Variants in LMNTD1 observed in about 807,000 individuals in gnomAD.
LMNTD1 encodes lamin tail domain containing 1.
In LMNTD1, 35 loss-of-function variants were observed where a neutral mutation model predicts 50.9. That is an observed-to-expected ratio of 0.69 (90% CI 0.53 to 0.91). The LOEUF is 0.91. Ranked by LOEUF, LMNTD1 falls within the 40% of genes least tolerant of loss-of-function variation. The probability of loss-of-function intolerance (pLI) is 0.00; values close to 1 mark genes in which losing one functional copy is unlikely to be tolerated. For synonymous variants in LMNTD1, 153 were observed against 161.9 expected (o/e 0.94, Z 0.42); for missense variants, 470 against 475.5 (o/e 0.99, Z 0.11).
intron 1 of LMNTD1, among the ~76,000 whole-genome samples, chr12:25,645,787 C>T (rs11838244): frequency 0.02 from 3,098 of 152,262 alleles, 114 homozygotes; most frequent in African/African-American, 0.07. Context: ...ATGGCTACCT[C>T]CTTCACAGGG....
chr12:25,527,989 C>G (rs1941937300), intron 4 of LMNTD1, among the ~76,000 whole-genome samples: 2 of 151,714 alleles, frequency 1.3e-5, no homozygotes, highest in South Asian at 4.2e-4. Context: ...ATTTTTGATA[C>G]TTTTGTAATC....
At chr12:25,546,658 T>A (rs1240054821) in intron 3 of LMNTD1, 104 bp from the exon 4 acceptor site, 1 of 614,468 alleles carries the variant, frequency 1.6e-6, no homozygotes, top group Admixed American at 4.2e-5. Flanking sequence ...TACAAAATTA[T>A]ATTTTTACAT....
chr12:25,607,379 T>C (rs1265637110), intron 1 of LMNTD1, among the ~76,000 whole-genome samples: 1 of 152,222 alleles, frequency 6.6e-6, no homozygotes, highest in Admixed American at 6.5e-5. Context: ...CTGCTAGCTT[T>C]TGAATTTGTT....
chr12:25,594,193 A>G (rs1294500161), intron 1 of LMNTD1, among the ~76,000 whole-genome samples: 1 of 152,188 alleles, frequency 6.6e-6, no homozygotes, highest in Non-Finnish European at 1.5e-5. Context: ...TAGACATCCA[A>G]ATACAAGAAG....
At chr12:25,478,346 A>G (rs2087487) in intron 9 of LMNTD1, among the ~76,000 whole-genome samples, 99,323 of 151,988 alleles carry the variant, frequency 0.65, 32,898 homozygotes, top group East Asian at 0.95. Flanking sequence ...GAAATGCACC[A>G]ATCCCCAACC....
intron 1 of LMNTD1, among the ~76,000 whole-genome samples, chr12:25,614,919 GT>G: frequency 6.6e-6 from 1 of 152,260 alleles, no homozygotes; most frequent in South Asian, 2.1e-4. Context: ...TCTTCCCTCT[GT>G]TGATGTCTGG....
intron 1 of LMNTD1, among the ~76,000 whole-genome samples, chr12:25,609,061 T>C (rs1946184588): frequency 6.6e-6 from 1 of 152,216 alleles, no homozygotes; most frequent in Non-Finnish European, 1.5e-5. Flanking sequence ...CTCATTTCAT[T>C]TTATTCATTT....
At chr12:25,627,387 C>G (rs910612597) in intron 1 of LMNTD1, among the ~76,000 whole-genome samples, 5 of 152,102 alleles carry the variant, frequency 3.3e-5, no homozygotes, top group African/African-American at 9.7e-5. Context: ...TTCATGATGA[C>G]TTTTTTCCCC....
intron 1 of LMNTD1, among the ~76,000 whole-genome samples, chr12:25,575,513 A>T (rs989849780): frequency 2.0e-5 from 3 of 152,158 alleles, no homozygotes; most frequent in Admixed American, 6.6e-5. Flanking sequence ...AATTGTGAAA[A>T]ATGTCATCTT....
chr12:25,511,695 T>C (rs1267790101), intron 8 of LMNTD1, among the ~76,000 whole-genome samples: 2 of 152,288 alleles, frequency 1.3e-5, no homozygotes, highest in East Asian at 3.9e-4. Context: ...AAAATCCAAT[T>C]GTTGCCTCGT....
intron 1 of LMNTD1, among the ~76,000 whole-genome samples, chr12:25,559,183 T>G (rs1400587360): frequency 6.6e-6 from 1 of 152,078 alleles, no homozygotes; most frequent in African/African-American, 2.4e-5. Flanking sequence ...CTCCTAATGC[T>G]ATACCTCCCC....
chr12:25,538,658 A>G (rs11048092), intron 4 of LMNTD1, among the ~76,000 whole-genome samples: 65,285 of 107,292 alleles, frequency 0.61, 20,760 homozygotes, highest in Non-Finnish European at 0.68. Flanking sequence ...GGAAGAAACT[A>G]CATCAACTAA....
At position 25,623,161 on chromosome 12, in the gene LMNTD1, A is replaced by G. The variant is rs796545155; in HGVS notation, c.58+25333T>C. ...TTCCTGTAAAGGCAAGAAGCCTGTC[A>G]GAGCTCAATAAACCTGAGGGTGTTG... On this transcript the variant is annotated intron_variant, in intron 1 of 7. Coordinates refer to the LMNTD1 transcript ENST00000445693. Among the ~76,000 whole-genome samples the G allele has an allele frequency of 9.9e-5, 15 of 152,266 alleles. 1 individual carries two copies. The highest frequency in any genetic ancestry group is 6.8e-3 in the Middle Eastern group (2 of 294).
intron 1 of LMNTD1, among the ~76,000 whole-genome samples, chr12:25,567,311 T>G (rs1408508193): frequency 1.3e-5 from 2 of 152,246 alleles, no homozygotes; most frequent in Non-Finnish European, 2.9e-5. Flanking sequence ...GTTGTACTGT[T>G]TGCTTCTGTT....
Position 25,553,251 on chromosome 12 carries a change from G to T in LMNTD1, c.-213C>A, listed in dbSNP as rs913405887. Reference sequence around the variant, plus strand: ...CATTCACTGGAAGCAGCTTGAGAGGGCAGTAACTTGGCAAAGAGACCTTTA... The same window carrying T: ...CATTCACTGGAAGCAGCTTGAGAGGTCAGTAACTTGGCAAAGAGACCTTTA... On this transcript the variant is annotated 5_prime_UTR_variant, in exon 1 of 10. Coordinates refer to ENST00000458174, the MANE Select transcript of LMNTD1 (RefSeq NM_001145728.2). The T allele has an allele frequency of 6.8e-7, 1 of 1,462,474 alleles. No homozygotes were observed. Among genetic ancestry groups the T allele is most frequent in the African/African-American group, 1.4e-5 (1 of 69,986 alleles). The allele number at this position is 1,462,474 out of a possible 1,614,324, so 90.6% of individuals were successfully genotyped here. A position where few individuals can be genotyped will look rare whatever the true frequency, so the allele number is the denominator to read the frequency against.
chr12:25,519,077 C>G lies in LMNTD1; in HGVS notation c.1017-110G>C. ...ATATTTCAAAACCAAGAGAATATGA[C>G]TTTTTAAACTTTGTGGGCAGAACTT... is the stretch of plus-strand genomic sequence containing the variant. On this transcript the variant is annotated intron_variant, in intron 7 of 9. Coordinates refer to ENST00000458174, the MANE Select transcript of LMNTD1 (RefSeq NM_001145728.2). 3.0e-6 allele frequency: 3 copies of G among 997,826 alleles called. No homozygotes were observed. In the South Asian group the frequency reaches 5.1e-5, roughly 17 times the overall value. The allele number at this position is 997,826 out of a possible 1,614,324, so 61.8% of individuals were successfully genotyped here.
chr12:25,566,381 C>G (rs899621988), intron 1 of LMNTD1, among the ~76,000 whole-genome samples: 1 of 152,170 alleles, frequency 6.6e-6, no homozygotes, highest in Non-Finnish European at 1.5e-5. Flanking sequence ...TTTGGGTTGG[C>G]TCCACGTTTT....
At chr12:25,634,995 C>A (rs1387083981) in intron 1 of LMNTD1, among the ~76,000 whole-genome samples, 2 of 152,094 alleles carry the variant, frequency 1.3e-5, no homozygotes, top group Non-Finnish European at 1.5e-5. Context: ...AATCTCAACA[C>A]TTTGGGAGGC....
intron 1 of LMNTD1, among the ~76,000 whole-genome samples, chr12:25,617,421 G>A (rs185867287): frequency 6.6e-6 from 1 of 152,156 alleles, no homozygotes; most frequent in Non-Finnish European, 1.5e-5. Context: ...AGACAAGAGG[G>A]GGATGTGATC....
Sources: gnomAD v4.1 joint callset for allele counts (sites outside exome capture counted in the v4.1 genomes callset) on GRCh38, gnomAD v4.1.1 for gene constraint, MANE v1.5 for transcripts, NCBI Gene and HGNC (gene_info 2026-07-23, HGNC 2026-07-21) for gene names.